Variants in AQP7B observed in about 807,000 individuals in gnomAD.
The protein encoded by AQP7B is putative aquaporin-7B.
the AQP7B span, chr2:94,604,228 G>C: frequency 6.7e-7 from 1 of 1,484,270 alleles, no homozygotes; most frequent in Admixed American, 2.0e-5. Flanking sequence ...CGCCCAAGGT[G>C]GATGAGGGTG....
chr2:94,588,314 G>T, the AQP7B span, among the ~76,000 whole-genome samples: 1 of 151,784 alleles, frequency 6.6e-6, no homozygotes, highest in Non-Finnish European at 1.5e-5. Context: ...GGTGGGGTGG[G>T]GCTCCAGGAC....
At chr2:94,588,447 G>A in the AQP7B span, 3 of 606,252 alleles carry the variant, frequency 4.9e-6, no homozygotes, top group African/African-American at 3.7e-5. Flanking sequence ...GGAAGTGTGG[G>A]GCCAAGTTCT....
the AQP7B span, among the ~76,000 whole-genome samples, chr2:94,601,780 G>A: frequency 1.3e-5 from 2 of 152,046 alleles, no homozygotes; most frequent in East Asian, 1.9e-4. Flanking sequence ...TGGGGGAGAC[G>A]GAGGCCTCTG....
At chr2:94,604,321 G>A in the AQP7B span, 2 of 1,609,498 alleles carry the variant, frequency 1.2e-6, no homozygotes, top group East Asian at 2.2e-5. Context: ...TGCCAGTGGT[G>A]GCACCACTTC....
chr2:94,597,732 G>C, the AQP7B span, among the ~76,000 whole-genome samples: 2 of 151,512 alleles, frequency 1.3e-5, no homozygotes, highest in Non-Finnish European at 2.9e-5. Context: ...AGCCTCTGGA[G>C]TAGCTGGAAT....
At chr2:94,592,375 T>A in the AQP7B span, among the ~76,000 whole-genome samples, 1 of 152,150 alleles carries the variant, frequency 6.6e-6, no homozygotes, top group Non-Finnish European at 1.5e-5. Context: ...AGCTCACCCA[T>A]CCCAGTCCTT....
At chr2:94,590,681 G>T in the AQP7B span, among the ~76,000 whole-genome samples, 2 of 152,048 alleles carry the variant, frequency 1.3e-5, no homozygotes, top group African/African-American at 4.8e-5. Flanking sequence ...GGTGGCTCAC[G>T]CCTGAAATCC....
At chr2:94,593,727 C>G in the AQP7B span, among the ~76,000 whole-genome samples, 6 of 151,994 alleles carry the variant, frequency 3.9e-5, no homozygotes, top group Non-Finnish European at 8.8e-5. Context: ...CTCAGGTGAT[C>G]TGCCCACCTT....
chr2:94,598,273 A>G, the AQP7B span, among the ~76,000 whole-genome samples: 7 of 152,296 alleles, frequency 4.6e-5, no homozygotes, highest in East Asian at 1.4e-3. Flanking sequence ...GTTTTGCCAA[A>G]AAAGCTAGTG....
chr2:94,594,004 A>C, the AQP7B span, among the ~76,000 whole-genome samples: 1 of 152,158 alleles, frequency 6.6e-6, no homozygotes, highest in Non-Finnish European at 1.5e-5. Flanking sequence ...GTTTTCACTC[A>C]TTCAACAAAT....
chr2:94,593,899 T>G, the AQP7B span, among the ~76,000 whole-genome samples: 1 of 152,160 alleles, frequency 6.6e-6, no homozygotes, highest in Admixed American at 6.5e-5. Context: ...TTCATCTACC[T>G]TTCCATCTAA....
chr2:94,594,488 T>C, the AQP7B span, among the ~76,000 whole-genome samples: 1 of 152,328 alleles, frequency 6.6e-6, no homozygotes, highest in East Asian at 1.9e-4. Context: ...CAAAGTGGCC[T>C]CATTGGTGTG....
chr2:94,589,256 G>C, the AQP7B span, among the ~76,000 whole-genome samples: 2 of 150,392 alleles, frequency 1.3e-5, no homozygotes, highest in Non-Finnish European at 3.0e-5. Flanking sequence ...TGATCCACCC[G>C]CCTCGGCCTC....
chr2:94,592,572 C>G, the AQP7B span, among the ~76,000 whole-genome samples: 1 of 152,010 alleles, frequency 6.6e-6, no homozygotes, highest in Admixed American at 6.6e-5. Flanking sequence ...CAAGCAGCAG[C>G]CCAAAGACAG....
chr2:94,594,722 T>C, the AQP7B span: 164 of 1,500,596 alleles, frequency 1.1e-4, no homozygotes, highest in African/African-American at 1.5e-4. Flanking sequence ...TTTCTGTCCC[T>C]GGGCTCGGGC....
chr2:94,598,467 T>C, the AQP7B span, among the ~76,000 whole-genome samples: 2 of 152,104 alleles, frequency 1.3e-5, no homozygotes, highest in African/African-American at 2.4e-5. Context: ...AAACCAGCCA[T>C]ACACGTGAGA....
chr2:94,597,146 C>G, the AQP7B span, among the ~76,000 whole-genome samples: 1 of 152,170 alleles, frequency 6.6e-6, no homozygotes, highest in East Asian at 1.9e-4. Context: ...TGGCCCTCCC[C>G]TACTCCTCTC....
the AQP7B span, among the ~76,000 whole-genome samples, chr2:94,597,895 G>A: frequency 1.3e-5 from 2 of 152,064 alleles, no homozygotes; most frequent in East Asian, 1.9e-4. Context: ...ATGAGTCACC[G>A]TGCCCAGCCC....
At chr2:94,590,931 T>A in the AQP7B span, among the ~76,000 whole-genome samples, 2 of 112,864 alleles carry the variant, frequency 1.8e-5, no homozygotes, top group Non-Finnish European at 3.3e-5. Flanking sequence ...GGTGACAGAG[T>A]GAGACCCTGT....
Sources: gnomAD v4.1 joint callset for allele counts (sites outside exome capture counted in the v4.1 genomes callset) on GRCh38, gnomAD v4.1.1 for gene constraint, MANE v1.5 for transcripts, NCBI Gene and HGNC (gene_info 2026-07-23, HGNC 2026-07-21) for gene names.